Variants in SLC35F3 observed in about 807,000 individuals in gnomAD.
SLC35F3 encodes the protein solute carrier family 35 member F3.
SLC35F3 carries 25 observed loss-of-function variants against 49.9 expected under a neutral mutation model. The ratio of observed to expected loss-of-function variants is 0.50; its 90% CI spans 0.37 to 0.70. The LOEUF (loss-of-function observed/expected upper bound fraction) is 0.70. SLC35F3 is among the 30% of genes least tolerant of loss of function. The pLI is 0.00. For synonymous variants in SLC35F3, 275 were observed against 265.4 expected, an observed-to-expected ratio of 1.04 and a Z score of -0.35; for missense variants, 525 against 639.8, an observed-to-expected ratio of 0.82 and a Z score of 1.94.
chr1:234,137,655 T>C (rs1665831043), intron 2 of SLC35F3, among the ~76,000 whole-genome samples: 1 of 152,124 alleles, frequency 6.6e-6, no homozygotes, highest in Non-Finnish European at 1.5e-5. Context: ...CTTCGTGTCG[T>C]TAGTTACATG....
At chr1:233,942,077 C>T (rs1014906493) in intron 2 of SLC35F3, among the ~76,000 whole-genome samples, 1 of 151,456 alleles carries the variant, frequency 6.6e-6, no homozygotes, top group Non-Finnish European at 1.5e-5. Flanking sequence ...TCTCCTGCCT[C>T]AGCCTCCCAA....
chr1:234,006,446 T>C (rs1164549532), intron 2 of SLC35F3, among the ~76,000 whole-genome samples: 1 of 151,960 alleles, frequency 6.6e-6, no homozygotes, highest in Non-Finnish European at 1.5e-5. Context: ...CCTATGCTTC[T>C]CAAACTGTGC....
chr1:234,169,380 G>T (rs1450632818), intron 2 of SLC35F3, among the ~76,000 whole-genome samples: 1 of 152,176 alleles, frequency 6.6e-6, no homozygotes, highest in Non-Finnish European at 1.5e-5. Context: ...TCATGAGGAG[G>T]TCCGGGTCCT....
At chr1:234,002,256 A>C (rs548827467) in intron 2 of SLC35F3, among the ~76,000 whole-genome samples, 84 of 152,278 alleles carry the variant, frequency 5.5e-4, no homozygotes, top group African/African-American at 1.9e-3. Context: ...ACCAGTATAG[A>C]TGCACTATTG....
chr1:234,196,832 C>T (rs2102932313), intron 2 of SLC35F3, among the ~76,000 whole-genome samples: 1 of 152,350 alleles, frequency 6.6e-6, no homozygotes, highest in Non-Finnish European at 1.5e-5. Flanking sequence ...ATCCCAGCTA[C>T]TCCGGAGGCT....
intron 3 of SLC35F3, among the ~76,000 whole-genome samples, chr1:234,296,229 C>T (rs1401893355): frequency 6.6e-6 from 1 of 152,104 alleles, no homozygotes; most frequent in East Asian, 1.9e-4. Flanking sequence ...GTCATTAGAG[C>T]CCATCTCCAG....
At chr1:234,080,169 T>A (rs1221955137) in intron 2 of SLC35F3, among the ~76,000 whole-genome samples, 1 of 152,158 alleles carries the variant, frequency 6.6e-6, no homozygotes, top group Non-Finnish European at 1.5e-5. Flanking sequence ...TAATCACCCC[T>A]GCCTATAAAA....
chr1:233,930,901 G>A (rs1170537954), intron 2 of SLC35F3, among the ~76,000 whole-genome samples: 1 of 151,826 alleles, frequency 6.6e-6, no homozygotes. Flanking sequence ...GAAAATAAGG[G>A]GCTGGTCAAA....
At chr1:234,273,398 C>G (rs775915222) in intron 3 of SLC35F3, among the ~76,000 whole-genome samples, 9 of 152,170 alleles carry the variant, frequency 5.9e-5, no homozygotes, top group Non-Finnish European at 8.8e-5. Context: ...CAGGCAACCC[C>G]CCTCCCACGA....
intron 3 of SLC35F3, among the ~76,000 whole-genome samples, chr1:234,295,756 C>A (rs1207562525): frequency 6.6e-6 from 1 of 152,190 alleles, no homozygotes; most frequent in Admixed American, 6.5e-5. Context: ...AAATAACCAC[C>A]CCTGAGGAAG....
chr1:234,019,765 G>T (rs1421855899), intron 2 of SLC35F3, among the ~76,000 whole-genome samples: 1 of 152,168 alleles, frequency 6.6e-6, no homozygotes. Context: ...CCCCTCCCTA[G>T]GTGTCTTCAG....
At chr1:233,930,377 T>C (rs1662223651) in intron 2 of SLC35F3, among the ~76,000 whole-genome samples, 1 of 152,172 alleles carries the variant, frequency 6.6e-6, no homozygotes, top group Non-Finnish European at 1.5e-5. Flanking sequence ...ATCTTTTGAT[T>C]TTCTTTCTTA....
At chr1:234,097,860 GAC>G (rs1207629787) in intron 2 of SLC35F3, among the ~76,000 whole-genome samples, 1 of 152,200 alleles carries the variant, frequency 6.6e-6, no homozygotes. Context: ...GAGATGAAGA[GAC>G]ATGTCAGTGT....
In SLC35F3 at chr1:234,309,289, T is replaced by C; in HGVS notation, c.797T>C (p.Ile266Thr). The C allele has an allele frequency of 6.2e-7, 1 of 1,614,246 alleles. No individual in the cohort carries two copies. The highest frequency in any genetic ancestry group is 1.7e-5 in the Admixed American group (1 of 60,036). ...GCTTTTGTGTTCTTGCTCTCATGGA[T>C]CGTTCTCAGGGACAGATTCATGGGA... ...NKAFVFLLSWIVLRDRFMGVR... is the reference protein window; with the variant it reads ...NKAFVFLLSWTVLRDRFMGVR... Residue 266 changes from isoleucine to threonine, a missense_variant, in exon 4 of 8, where the codon ATC (isoleucine) becomes ACC (threonine). Around this residue, in one of 4 missense-constraint regions of SLC35F3, gnomAD observed 216 missense variants for 298.1 expected, o/e 0.72. Transcript: ENST00000366618.
At chr1:234,265,600 C>T (rs1237555628) in intron 3 of SLC35F3, among the ~76,000 whole-genome samples, 2 of 152,088 alleles carry the variant, frequency 1.3e-5, no homozygotes, top group Non-Finnish European at 2.9e-5. Flanking sequence ...CATGTCCCCC[C>T]AAGACGAAGA....
intron 3 of SLC35F3, among the ~76,000 whole-genome samples, chr1:234,265,986 C>T (rs955867162): frequency 4.6e-5 from 7 of 152,194 alleles, no homozygotes; most frequent in Non-Finnish European, 1.0e-4. Flanking sequence ...AATATCACCC[C>T]TTCAGGCTTT....
intron 2 of SLC35F3, among the ~76,000 whole-genome samples, chr1:233,918,808 CTCTCTCTCTATATATA>C (rs1558178221): frequency 1.5e-4 from 7 of 47,636 alleles, no homozygotes; most frequent in Non-Finnish European, 3.4e-4. Flanking sequence ...TTCTCTCTCT[CTCTCTCTCTATATATA>C]TATATATATA....
chr1:234,315,920 G>A (rs1384631479), intron 4 of SLC35F3, among the ~76,000 whole-genome samples: 1 of 152,208 alleles, frequency 6.6e-6, no homozygotes, highest in Non-Finnish European at 1.5e-5. Context: ...AGAGTAATAT[G>A]TACATCTCCA....
intron 2 of SLC35F3, among the ~76,000 whole-genome samples, chr1:234,017,715 GAAAAAA>G (rs35271984): frequency 3.3e-5 from 3 of 91,766 alleles, no homozygotes; most frequent in African/African-American, 1.5e-4. Context: ...CTTTGTCTCA[GAAAAAA>G]AAAAAAAAAA....
Sources: gnomAD v4.1 joint callset for allele counts (sites outside exome capture counted in the v4.1 genomes callset) on GRCh38, gnomAD v4.1.1 for gene constraint, gnomAD v4.1.1 regional missense constraint, MANE v1.5 for transcripts, NCBI Gene and HGNC (gene_info 2026-07-23, HGNC 2026-07-21) for gene names.